The following ARHGAP20 variants were observed in gnomAD, a reference collection of about 807,000 sequenced individuals.
ARHGAP20 encodes the protein rho GTPase-activating protein 20.
In ARHGAP20, 34 loss-of-function variants were observed where a neutral mutation model predicts 73.7. The ratio of observed to expected loss-of-function variants is 0.46; its 90% CI spans 0.35 to 0.61. The LOEUF is 0.61. Ranked by LOEUF, ARHGAP20 falls within the 20% of genes least tolerant of loss-of-function variation. ARHGAP20 has a pLI of 0.00. For missense variants in ARHGAP20, 1,314 were observed against 1,420.9 expected, an observed-to-expected ratio of 0.92 and a Z score of 1.21; for synonymous variants, 523 against 518.2, an observed-to-expected ratio of 1.01 and a Z score of -0.13.
rs191434375 is a variant in ARHGAP20 at position 110,674,636 on chromosome 11, A to G, written c.188+15911T>C. On this transcript the variant is annotated intron_variant, in intron 2 of 14. Transcript: ENST00000683387. The stretch of plus-strand genomic sequence containing the variant: ...AAATCCCCAAGATTTCTCATTATAT[A>G]TATATATGCAAATATTCCAAAATCC... 2.6e-3 allele frequency among the ~76,000 whole-genome samples: 402 copies of G among 152,294 alleles called. 1 individual carries two copies. The highest frequency in any genetic ancestry group is 4.3e-3 in the Non-Finnish European group (291 of 68,028).
In ARHGAP20 at chr11:110,579,711, C is replaced by T. The variant is rs1947387102; in HGVS notation, c.3235G>A (p.Gly1079Ser). ...TGCAGTGAGTTGGCTTCTGGAACAC[C>T]AGAAGCATGTGGGGGTGGCTCTAAG... ...GPLEPPPHAS[G>S]VPEANSLQEE... Residue 1079 changes from glycine to serine, a missense_variant, in exon 15 of 15, where the codon GGT (glycine) becomes AGT (serine). Transcript: ENST00000683387. The T allele has an allele frequency of 6.2e-7, 1 of 1,614,054 alleles. No homozygotes were observed.
intron 2 of ARHGAP20, among the ~76,000 whole-genome samples, chr11:110,657,935 G>C (rs946979163): frequency 6.7e-6 from 1 of 149,540 alleles, no homozygotes; most frequent in African/African-American, 2.5e-5. Flanking sequence ...AGGAAGGAAG[G>C]AAGGAAGGAA....
In ARHGAP20 at chr11:110,711,757, G is replaced by C. The variant is rs887669781; in HGVS notation, c.105+370C>G. On this transcript the variant is annotated intron_variant, in intron 1 of 14. Coordinates refer to ENST00000683387, the MANE Select transcript of ARHGAP20 (RefSeq NM_001384657.1). ...AGTCAGTGCTCGCCCAGGCCACTTC[G>C]GGAGGCCCAGGGGCACGGCGAGGGG... 2.7e-5 allele frequency: 37 copies of C among 1,360,986 alleles called. No homozygotes were observed. In the South Asian group the frequency reaches 5.6e-4, roughly 21 times the overall value. 84.3% of individuals were successfully genotyped at this position (1,360,986 alleles called of 1,614,324 possible).
At chr11:110,711,621 G>A (rs1249261195) in intron 1 of ARHGAP20, 2 of 1,488,050 alleles carry the variant, frequency 1.3e-6, no homozygotes, top group African/African-American at 1.5e-5. Context: ...GCAGGTGAGG[G>A]GGCCGAGCCC....
chr11:110,700,266 G>C (rs868239865), intron 1 of ARHGAP20, among the ~76,000 whole-genome samples: 40 of 152,142 alleles, frequency 2.6e-4, no homozygotes, highest in African/African-American at 9.1e-4. Context: ...GTTGAATTAT[G>C]GATGCTGAAG....
chr11:110,643,163 T>C (rs1949111558), intron 2 of ARHGAP20, among the ~76,000 whole-genome samples: 1 of 152,082 alleles, frequency 6.6e-6, no homozygotes, highest in African/African-American at 2.4e-5. Flanking sequence ...TTAGATCTTC[T>C]TTTTCTTTGT....
At chr11:110,615,179 A>T (rs530666124) in intron 5 of ARHGAP20, among the ~76,000 whole-genome samples, 14 of 152,266 alleles carry the variant, frequency 9.2e-5, no homozygotes, top group African/African-American at 3.4e-4. Flanking sequence ...AACTACCATT[A>T]TTTTTGAGGT....
chr11:110,639,923 T>A (rs1273976842), intron 2 of ARHGAP20, among the ~76,000 whole-genome samples: 18 of 152,036 alleles, frequency 1.2e-4, no homozygotes, highest in Admixed American at 1.2e-3. Flanking sequence ...AATATCTGTT[T>A]CCAATTCTTT....
At chr11:110,659,168 T>C (rs1037027387) in intron 2 of ARHGAP20, among the ~76,000 whole-genome samples, 2 of 146,572 alleles carry the variant, frequency 1.4e-5, no homozygotes, top group Admixed American at 1.4e-4. Flanking sequence ...TAGTTTACAG[T>C]CCCACCAACA....
At chr11:110,658,951 A>G (rs529207219) in intron 2 of ARHGAP20, among the ~76,000 whole-genome samples, 45 of 152,266 alleles carry the variant, frequency 3.0e-4, no homozygotes, top group African/African-American at 1.0e-3. Flanking sequence ...ATCACTTCTA[A>G]GTAATTTAAC....
At chr11:110,672,081 C>A (rs1949839753) in intron 2 of ARHGAP20, among the ~76,000 whole-genome samples, 1 of 152,186 alleles carries the variant, frequency 6.6e-6, no homozygotes, top group Non-Finnish European at 1.5e-5. Flanking sequence ...AGGATAACAT[C>A]TTTGAGACTT....
chr11:110,711,959 C>T (rs1950669821), intron 1 of ARHGAP20, 168 bp downstream of exon 1: 3 of 1,252,420 alleles, frequency 2.4e-6, no homozygotes, highest in African/African-American at 1.6e-5. Flanking sequence ...CTGCCGCTGG[C>T]CGTCAAGGGC....
At chr11:110,627,924 C>T (rs1216992474) in intron 3 of ARHGAP20, among the ~76,000 whole-genome samples, 1 of 152,188 alleles carries the variant, frequency 6.6e-6, no homozygotes, top group African/African-American at 2.4e-5. Context: ...AAGTACCCAT[C>T]TGGCTTTAAT....
At position 110,580,365 on chromosome 11, in the gene ARHGAP20, T is replaced by C; in HGVS notation, c.2581A>G (p.Arg861Gly). The change falls in exon 15 of 15, where the codon AGG becomes GGG. Residue 861 changes from arginine (R) to glycine (G), a missense_variant. By Grantham distance (125) the Arg-to-Gly change is moderately radical. Transcript: ENST00000683387. ...TGTTGTTTCTTTGAATAAATTCCCC[T>C]GAGATAGGTCAGCTTGCGGTTCTGG... ...EDQNRKLTYL[R>G]GIYSKKQHKT... The C allele has an allele frequency of 6.2e-7, 1 of 1,613,188 alleles. No individual in the cohort carries two copies. Among genetic ancestry groups the C allele is most frequent in the Non-Finnish European group, 8.5e-7 (1 of 1,179,134 alleles).
intron 1 of ARHGAP20, 103 bp downstream of exon 1, chr11:110,712,024 C>T (rs554660084): frequency 1.6e-6 from 2 of 1,241,864 alleles, no homozygotes; most frequent in East Asian, 3.2e-5. Flanking sequence ...GTCAAATTCC[C>T]GCGGCGTCCG....
chr11:110,648,416 G>A (rs1949274105), intron 2 of ARHGAP20, among the ~76,000 whole-genome samples: 1 of 149,990 alleles, frequency 6.7e-6, no homozygotes, highest in South Asian at 2.1e-4. Context: ...TTAAACAGTT[G>A]TTAGAGACAC....
chr11:110,693,612 TTC>T (rs1950282664), intron 1 of ARHGAP20, among the ~76,000 whole-genome samples: 1 of 151,942 alleles, frequency 6.6e-6, no homozygotes, highest in Non-Finnish European at 1.5e-5. Context: ...ACTTATCTCT[TTC>T]TTTTGCTTAA....
At chr11:110,682,540 C>T (rs1455746011) in intron 2 of ARHGAP20, among the ~76,000 whole-genome samples, 2 of 152,108 alleles carry the variant, frequency 1.3e-5, no homozygotes, top group Non-Finnish European at 2.9e-5. Context: ...CTGTCTCTGA[C>T]ATTAATCAAC....
chr11:110,631,374 C>A (rs575967647), intron 2 of ARHGAP20, among the ~76,000 whole-genome samples: 1 of 152,192 alleles, frequency 6.6e-6, no homozygotes, highest in Admixed American at 6.5e-5. Flanking sequence ...CAAATATAGT[C>A]TCTATGGATT....
Sources: gnomAD v4.1 joint callset for allele counts (sites outside exome capture counted in the v4.1 genomes callset) on GRCh38, gnomAD v4.1.1 for gene constraint, MANE v1.5 for transcripts, NCBI Gene and HGNC (gene_info 2026-07-23, HGNC 2026-07-21) for gene names.